The following PCNX2 variants were observed in gnomAD, a reference collection of about 807,000 sequenced individuals.
The protein encoded by PCNX2 is pecanex-like protein 2.
A neutral mutation model predicts 223.8 loss-of-function variants in PCNX2; 168 were observed. The observed-to-expected ratio is 0.75, with a 90% CI of 0.66 to 0.85. The LOEUF (loss-of-function observed/expected upper bound fraction) is 0.85. PCNX2 is among the 40% of genes least tolerant of loss of function. The probability of loss-of-function intolerance (pLI) is 0.00; values close to 1 mark genes in which losing one functional copy is unlikely to be tolerated. For missense variants in PCNX2, 2,507 were observed against 2,675.5 expected (o/e 0.94, Z 1.39); for synonymous variants, 1,006 against 1,052.6 (o/e 0.96, Z 0.86).
At chr1:233,113,187 G>C (rs1450680561) in intron 21 of PCNX2, among the ~76,000 whole-genome samples, 1 of 152,180 alleles carries the variant, frequency 6.6e-6, no homozygotes, top group Non-Finnish European at 1.5e-5. Flanking sequence ...ATTCTTCCTG[G>C]TTTTGCAAGA....
rs780886746 is a variant in PCNX2, at chr1:233,000,518, A to G, written c.5115T>C (p.Pro1705=). 1.4e-5 allele frequency: 23 copies of G among 1,597,724 alleles called. No individual in the cohort carries two copies. In the African/African-American group the frequency reaches 2.7e-4, roughly 19 times the overall value. ...LKLHQDQFTC[P]DEYEDPAVLY... ...GGACTGCTGGGTCTTCATACTCGTCAGGGCAAGTGAACTGGTCCTGGTGGG... is the reference window on the plus strand; with the variant it reads ...GGACTGCTGGGTCTTCATACTCGTCGGGGCAAGTGAACTGGTCCTGGTGGG... Residue 1705 remains proline, a synonymous_variant, in exon 30 of 34, where the codon CCT becomes CCC. Transcript: ENST00000258229. The surrounding 1 kb of genome is among the most constrained non-coding windows in gnomAD (Gnocchi z 4.6).
intron 25 of PCNX2, chr1:233,047,190 C>G (rs1258095232): frequency 4.9e-6 from 1 of 202,830 alleles, no homozygotes; most frequent in Non-Finnish European, 8.7e-6. Flanking sequence ...ACTGGCCAAC[C>G]CATGCAACAG....
intron 26 of PCNX2, among the ~76,000 whole-genome samples, chr1:233,017,466 C>T (rs934225802): frequency 7.2e-5 from 11 of 151,814 alleles, no homozygotes; most frequent in Non-Finnish European, 1.0e-4. Flanking sequence ...TACAGGCGCC[C>T]GCCACCACGC....
upstream of PCNX2, among the ~76,000 whole-genome samples, chr1:233,297,472 G>A (rs1662188977): frequency 6.6e-6 from 1 of 152,184 alleles, no homozygotes; most frequent in African/African-American, 2.4e-5. Context: ...GCACTGTGGA[G>A]TGCAGAAGAC....
At chr1:233,157,450 GC>G (rs1678196879) in intron 19 of PCNX2, among the ~76,000 whole-genome samples, 1 of 152,192 alleles carries the variant, frequency 6.6e-6, no homozygotes, top group South Asian at 2.1e-4. Context: ...TCTGCCACCA[GC>G]CCAGTTCTAG....
chr1:233,167,333 C>T (rs1678859172), intron 17 of PCNX2, among the ~76,000 whole-genome samples: 1 of 148,042 alleles, frequency 6.8e-6, no homozygotes, highest in Admixed American at 6.8e-5. Flanking sequence ...TATGTAGAAT[C>T]TAAAGAGAGA....
At chr1:233,069,339 T>G (rs1204366865) in intron 23 of PCNX2, among the ~76,000 whole-genome samples, 1 of 152,098 alleles carries the variant, frequency 6.6e-6, no homozygotes, top group South Asian at 2.1e-4. Flanking sequence ...AAGAACTCAG[T>G]AACACTATCA....
chr1:233,278,810 C>T (rs1661038304), intron 1 of PCNX2, among the ~76,000 whole-genome samples: 1 of 152,178 alleles, frequency 6.6e-6, no homozygotes. Context: ...AGCCCTCTGG[C>T]ATCCAGTTTT....
chr1:233,273,938 A>C (rs1660782375), intron 1 of PCNX2, among the ~76,000 whole-genome samples: 1 of 152,074 alleles, frequency 6.6e-6, no homozygotes, highest in Admixed American at 6.5e-5. Context: ...TGGCATTTTG[A>C]GCCTAATAAT....
intron 1 of PCNX2, among the ~76,000 whole-genome samples, chr1:233,276,880 T>C (rs76677065): frequency 0.01 from 1,549 of 152,344 alleles, 13 homozygotes; most frequent in South Asian, 0.028. Flanking sequence ...AGGCAAACAT[T>C]TGTCTTCAAG....
At chr1:233,304,164 G>A in the PCNX2 span, among the ~76,000 whole-genome samples, 1 of 152,194 alleles carries the variant, frequency 6.6e-6, no homozygotes, top group Non-Finnish European at 1.5e-5. Flanking sequence ...ATTTCCAATA[G>A]AGGTGGAATT....
intron 23 of PCNX2, among the ~76,000 whole-genome samples, chr1:233,084,678 AT>A (rs1415976918): frequency 6.6e-6 from 1 of 152,226 alleles, no homozygotes; most frequent in African/African-American, 2.4e-5. Context: ...CACATGTATC[AT>A]GTAATTTCTG....
intron 25 of PCNX2, among the ~76,000 whole-genome samples, chr1:233,038,875 G>C (rs1671548036): frequency 1.3e-5 from 2 of 152,150 alleles, no homozygotes; most frequent in Admixed American, 6.5e-5. Context: ...ACTATGAGAT[G>C]GCTGATAACA....
In PCNX2 at chr1:233,106,447, C is replaced by T. The variant is rs577990714; in HGVS notation, c.3838-10584G>A. ...GGCTCGCTGCAACCTCTGCCTCCCA[C>T]GTTCAAGCGATTCTCCTGCCTCAGC... On this transcript the variant is annotated intron_variant, in intron 21 of 33. Transcript: ENST00000258229. Among the ~76,000 whole-genome samples the T allele has an allele frequency of 2.7e-5, 4 of 150,872 alleles. No homozygotes were observed. In the South Asian group the frequency reaches 6.3e-4, roughly 24 times the overall value.
chr1:233,184,823 G>C (rs993837044), intron 15 of PCNX2, among the ~76,000 whole-genome samples: 1 of 152,064 alleles, frequency 6.6e-6, no homozygotes, highest in African/African-American at 2.4e-5. Context: ...TGCCAGCGGG[G>C]CACACTTATT....
intron 7 of PCNX2, among the ~76,000 whole-genome samples, chr1:233,252,113 T>C (rs1052054837): frequency 8.5e-5 from 13 of 152,242 alleles, no homozygotes; most frequent in Admixed American, 8.5e-4. Flanking sequence ...GAGGTGTCCC[T>C]GAAAAACTTA....
chr1:233,020,597 G>T (rs559741866), intron 26 of PCNX2, among the ~76,000 whole-genome samples: 2 of 152,338 alleles, frequency 1.3e-5, no homozygotes, highest in African/African-American at 4.8e-5. Context: ...TGGCAGGCAG[G>T]CCAACCTGTC....
chr1:233,325,468 C>A, the PCNX2 span, among the ~76,000 whole-genome samples: 3 of 144,234 alleles, frequency 2.1e-5, no homozygotes, highest in Admixed American at 2.1e-4. Flanking sequence ...ACCATCCTGG[C>A]TAACACAGTG....
At chr1:233,018,763 C>T in intron 26 of PCNX2, 16 of 985,382 alleles carry the variant, frequency 1.6e-5, no homozygotes, top group Non-Finnish European at 1.8e-5. Flanking sequence ...GGCTGCACAT[C>T]TCACTGTGAA....
Sources: allele counts gnomAD v4.1 joint callset (sites outside exome capture counted in the v4.1 genomes callset), GRCh38; gene constraint gnomAD v4.1.1; non-coding constraint Gnocchi (gnomAD v3.1); transcripts MANE v1.5; gene names NCBI Gene and HGNC (gene_info 2026-07-23, HGNC 2026-07-21).